The following NMNAT2 variants were observed in gnomAD, a reference collection of about 807,000 sequenced individuals.
NMNAT2 encodes nicotinamide nucleotide adenylyltransferase 2.
In NMNAT2, 11 loss-of-function variants were observed where a neutral mutation model predicts 41.6. The observed-to-expected ratio is 0.26, with a 90% CI of 0.17 to 0.44. The LOEUF (loss-of-function observed/expected upper bound fraction) is 0.44, where lower values mean the gene tolerates loss of function less well. NMNAT2 is among the 20% of genes least tolerant of loss of function. NMNAT2 has a pLI of 1.00. For missense variants in NMNAT2, 288 were observed against 407.7 expected (o/e 0.71, Z 2.53); for synonymous variants, 148 against 151.2 (o/e 0.98, Z 0.16).
intron 8 of NMNAT2, among the ~76,000 whole-genome samples, chr1:183,272,327 G>A (rs528556913): frequency 1.4e-4 from 21 of 152,320 alleles, no homozygotes; most frequent in African/African-American, 4.6e-4. Flanking sequence ...TAAAGAACTC[G>A]GGAATGCAGT....
chr1:183,355,464 C>T (rs971318879), intron 1 of NMNAT2, among the ~76,000 whole-genome samples: 1 of 152,188 alleles, frequency 6.6e-6, no homozygotes, highest in African/African-American at 2.4e-5. Context: ...ACAAACTCTT[C>T]GAGTGATTCT....
Position 183,315,388 on chromosome 1 carries a change from C to A in NMNAT2, c.86-21595G>T, listed in dbSNP as rs527405068. On this transcript the variant is annotated intron_variant, in intron 1 of 10. Coordinates refer to ENST00000287713, the MANE Select transcript of NMNAT2 (RefSeq NM_015039.4). ...ACACTCAAAAATGTATCACGCATGTCGGTAACATGTGCAATAACAAGTCTT... is the reference window on the plus strand; with the variant it reads ...ACACTCAAAAATGTATCACGCATGTAGGTAACATGTGCAATAACAAGTCTT... Among the ~76,000 whole-genome samples, 4 of 150,062 alleles carry A rather than the reference C, an allele frequency of 2.7e-5. No homozygotes were observed. The South Asian group carries it at 8.7e-4, about 33-fold the overall frequency.
At chr1:183,398,431 A>G (rs1648716598) in intron 1 of NMNAT2, among the ~76,000 whole-genome samples, 1 of 152,196 alleles carries the variant, frequency 6.6e-6, no homozygotes, top group African/African-American at 2.4e-5. Context: ...GAGACCTATA[A>G]AAAGACTTAG....
chr1:183,404,379 T>G (rs1476385717), intron 1 of NMNAT2, among the ~76,000 whole-genome samples: 2 of 152,184 alleles, frequency 1.3e-5, no homozygotes, highest in Non-Finnish European at 2.9e-5. Context: ...CGTGAGCCAC[T>G]GCACCCAGCC....
chr1:183,399,589 C>T (rs1648752904), intron 1 of NMNAT2, among the ~76,000 whole-genome samples: 2 of 152,160 alleles, frequency 1.3e-5, no homozygotes, highest in African/African-American at 4.8e-5. Context: ...GATACCAAAG[C>T]CTGGCAGAGA....
rs949209136 is a variant in NMNAT2 at position 183,315,771 on chromosome 1, C to T, written c.86-21978G>A. Among the ~76,000 whole-genome samples the T allele has an allele frequency of 1.9e-4, 23 of 123,900 alleles. No homozygotes were observed. The East Asian group carries it at 3.0e-3, about 16-fold the overall frequency. The allele number at this position is 123,900 out of a possible 152,430, so 81.3% of individuals were successfully genotyped here. On this transcript the variant is annotated intron_variant, in intron 1 of 10. Coordinates refer to ENST00000287713, the MANE Select transcript of NMNAT2 (RefSeq NM_015039.4). ...ACTCCAGCCTGGGCAACAAAGCAGA[C>T]TCCGTGTAAAAAAAAAAAAAAAAAG...
chr1:183,259,735 G>A (rs373882911), intron 10 of NMNAT2, among the ~76,000 whole-genome samples: 2 of 152,046 alleles, frequency 1.3e-5, no homozygotes, highest in Admixed American at 1.3e-4. Context: ...GAGTAGCTGG[G>A]ACTACAGGCG....
At chr1:183,389,588 T>A (rs1648377312) in intron 1 of NMNAT2, among the ~76,000 whole-genome samples, 1 of 151,300 alleles carries the variant, frequency 6.6e-6, no homozygotes. Context: ...GAGGTTAGAT[T>A]AGCAGGGCAG....
intron 1 of NMNAT2, among the ~76,000 whole-genome samples, chr1:183,323,807 C>T (rs115465749): frequency 2.0e-5 from 3 of 152,162 alleles, no homozygotes; most frequent in East Asian, 1.9e-4. Context: ...CCTCTCCCCC[C>T]ACAGGAGACA....
At chr1:183,296,289 C>T (rs1182535759) in intron 1 of NMNAT2, among the ~76,000 whole-genome samples, 1 of 152,096 alleles carries the variant, frequency 6.6e-6, no homozygotes, top group Non-Finnish European at 1.5e-5. Context: ...CATTCATGTG[C>T]AGGTTTTTGT....
At chr1:183,334,380 A>G (rs925503811) in intron 1 of NMNAT2, among the ~76,000 whole-genome samples, 2 of 151,902 alleles carry the variant, frequency 1.3e-5, no homozygotes, top group African/African-American at 4.8e-5. Context: ...TTGAATTTCA[A>G]TAGACTCCTT....
At chr1:183,352,512 A>G (rs979448139) in intron 1 of NMNAT2, among the ~76,000 whole-genome samples, 2 of 148,448 alleles carry the variant, frequency 1.3e-5, no homozygotes, top group Non-Finnish European at 3.0e-5. Context: ...GCAGTGAGCC[A>G]AGATCACACC....
At chr1:183,288,307 A>G (rs1378951442) in intron 4 of NMNAT2, among the ~76,000 whole-genome samples, 2 of 152,182 alleles carry the variant, frequency 1.3e-5, no homozygotes, top group Admixed American at 6.5e-5. Flanking sequence ...CTGTTAAGTC[A>G]TGCATCTATC....
At chr1:183,389,690 C>T (rs1273123240) in intron 1 of NMNAT2, among the ~76,000 whole-genome samples, 1 of 148,228 alleles carries the variant, frequency 6.7e-6, no homozygotes, top group Non-Finnish European at 1.5e-5. Context: ...GAGCTGAGAT[C>T]ATGCCATTGC....
intron 1 of NMNAT2, among the ~76,000 whole-genome samples, chr1:183,343,462 A>C (rs1384350636): frequency 6.6e-6 from 1 of 152,146 alleles, no homozygotes; most frequent in Non-Finnish European, 1.5e-5. Flanking sequence ...TACTTGATTA[A>C]ATTTTTCCAC....
At chr1:183,328,266 C>A (rs1662511081) in intron 1 of NMNAT2, among the ~76,000 whole-genome samples, 1 of 152,192 alleles carries the variant, frequency 6.6e-6, no homozygotes, top group Admixed American at 6.5e-5. Flanking sequence ...ATCTGCTCTA[C>A]CCCCTCTCAC....
At chr1:183,305,773 T>G (rs1379340316) in intron 1 of NMNAT2, among the ~76,000 whole-genome samples, 2 of 143,472 alleles carry the variant, frequency 1.4e-5, no homozygotes, top group Admixed American at 1.5e-4. Context: ...CAGGCTGGAG[T>G]GCAGTGGCAT....
chr1:183,325,137 T>G (rs1293570969), intron 1 of NMNAT2, among the ~76,000 whole-genome samples: 2 of 152,182 alleles, frequency 1.3e-5, no homozygotes. Context: ...CATCCTGATC[T>G]GCTGAAGTGG....
intron 1 of NMNAT2, among the ~76,000 whole-genome samples, chr1:183,414,201 G>A (rs891870229): frequency 6.6e-6 from 1 of 152,198 alleles, no homozygotes; most frequent in African/African-American, 2.4e-5. Flanking sequence ...GTTTGAGGCT[G>A]CAGGAAGCCA....
Sources: allele counts gnomAD v4.1 joint callset (sites outside exome capture counted in the v4.1 genomes callset), GRCh38; gene constraint gnomAD v4.1.1; transcripts MANE v1.5; gene names NCBI Gene and HGNC (gene_info 2026-07-23, HGNC 2026-07-21).